The following RMDN2 variants were observed in gnomAD, a reference collection of about 807,000 sequenced individuals.
RMDN2 encodes the protein regulator of microtubule dynamics 2.
In RMDN2, 61 loss-of-function variants were observed where a neutral mutation model predicts 52.8. The ratio of observed to expected loss-of-function variants is 1.16; its 90% CI spans 0.94 to 1.43. The LOEUF (loss-of-function observed/expected upper bound fraction) is 1.43, where lower values mean the gene tolerates loss of function less well. RMDN2 is among the 40% of genes most tolerant of loss of function. RMDN2 has a pLI of 0.00. For synonymous variants in RMDN2, 180 were observed against 153.1 expected (o/e 1.18, Z -1.30); for missense variants, 592 against 475.3 (o/e 1.25, Z -2.28).
chr2:37,989,637 A>C, intron 6 of RMDN2, 21 bp downstream of exon 6: 1 of 1,373,830 alleles, frequency 7.3e-7, no homozygotes, highest in Non-Finnish European at 1.0e-6. Context: ...TTTTTTTTTC[A>C]TATTTCTTTT....
chr2:38,030,919 T>G (rs1301522275), intron 10 of RMDN2: 1 of 152,238 alleles, frequency 6.6e-6, no homozygotes, highest in Non-Finnish European at 1.5e-5. Flanking sequence ...TTGTTTCCTT[T>G]TCCTTTGTTT....
At position 37,944,577 on chromosome 2, in the gene RMDN2, G is replaced by A. The variant is rs1668068047; in HGVS notation, c.452+14848G>A. ...TAATGTGTTTGGTCAAGTAAAATAG[G>A]GACTGAACTGTGTTTACCGGATTTG... On this transcript the variant is annotated intron_variant, in intron 2 of 10. Transcript: ENST00000354545. 2.6e-5 allele frequency among the ~76,000 whole-genome samples: 4 copies of A among 152,152 alleles called. No homozygotes were observed. The South Asian group carries it at 8.3e-4, about 32-fold the overall frequency.
At chr2:38,036,773 G>C (rs1027586879) in intron 10 of RMDN2, 4 of 152,258 alleles carry the variant, frequency 2.6e-5, no homozygotes, top group Non-Finnish European at 5.9e-5. Flanking sequence ...CAGACCCTCG[G>C]ATTCCTGCTG....
intron 10 of RMDN2, among the ~76,000 whole-genome samples, chr2:38,035,732 A>G (rs1680530762): frequency 6.6e-6 from 1 of 152,220 alleles, no homozygotes; most frequent in Non-Finnish European, 1.5e-5. Context: ...TGAATTATTA[A>G]GCAACTGGTT....
chr2:37,972,231 A>T (rs983303581), intron 2 of RMDN2, among the ~76,000 whole-genome samples: 6 of 152,186 alleles, frequency 3.9e-5, no homozygotes, highest in African/African-American at 1.4e-4. Flanking sequence ...CCTATTAATC[A>T]AAATTTGTAG....
chr2:38,006,574 A>C (rs934911316), intron 10 of RMDN2, among the ~76,000 whole-genome samples: 66 of 152,284 alleles, frequency 4.3e-4, no homozygotes, highest in Non-Finnish European at 8.8e-4. Context: ...GACTTTGCTG[A>C]AGTTGCCTAT....
At chr2:38,003,852 A>G in intron 8 of RMDN2, 139 bp from the exon 9 acceptor site, 1 of 678,338 alleles carries the variant, frequency 1.5e-6, no homozygotes, top group South Asian at 1.8e-5. Flanking sequence ...CAAGTGATTC[A>G]AATGTGAAAC....
intron 2 of RMDN2, among the ~76,000 whole-genome samples, chr2:37,932,892 G>T (rs1666929504): frequency 6.7e-6 from 1 of 150,056 alleles, no homozygotes; most frequent in African/African-American, 2.4e-5. Flanking sequence ...CTCCCGGACG[G>T]GGCGGCTGGC....
At chr2:38,049,661 C>G (rs1432724114) in intron 10 of RMDN2, among the ~76,000 whole-genome samples, 1 of 152,176 alleles carries the variant, frequency 6.6e-6, no homozygotes, top group African/African-American at 2.4e-5. Flanking sequence ...CAGCCTCAAA[C>G]TCATGGGCTC....
intron 4 of RMDN2, among the ~76,000 whole-genome samples, chr2:37,978,598 G>A (rs1257678538): frequency 6.6e-6 from 1 of 152,024 alleles, no homozygotes; most frequent in South Asian, 2.1e-4. Context: ...GGCCAAGGCG[G>A]GCAGATAGCT....
At chr2:38,019,749 C>T (rs905188826), downstream of RMDN2, among the ~76,000 whole-genome samples, 2 of 151,910 alleles carry the variant, frequency 1.3e-5, no homozygotes, top group Admixed American at 6.6e-5. Flanking sequence ...GCCTGGGCAA[C>T]ATGGTGAAAT....
chr2:38,017,490 A>G lies in RMDN2; in HGVS notation c.*251A>G, dbSNP rs1678964305. On this transcript the variant is annotated 3_prime_UTR_variant, in exon 11 of 11. Transcript: ENST00000354545. Reference sequence around the variant, plus strand: ...TATGCTTTATATTTTTCTTATCAATAAACTGCAGCCTTAAGAATATTTCTT... The same window carrying G: ...TATGCTTTATATTTTTCTTATCAATGAACTGCAGCCTTAAGAATATTTCTT... The G allele has an allele frequency of 9.2e-7, 1 of 1,091,934 alleles. No individual in the cohort carries two copies. The highest frequency in any genetic ancestry group is 1.2e-6 in the Non-Finnish European group (1 of 820,428). The allele number at this position is 1,091,934 out of a possible 1,614,324, so 67.6% of individuals were successfully genotyped here. A position where few individuals can be genotyped will look rare whatever the true frequency, so the allele number is the denominator to read the frequency against.
chr2:37,934,871 G>A (rs570116652), intron 2 of RMDN2, among the ~76,000 whole-genome samples: 3 of 151,872 alleles, frequency 2.0e-5, no homozygotes, highest in Admixed American at 6.5e-5. Context: ...CACTCTATGG[G>A]TCTAAAACTA....
At chr2:37,995,973 A>C (rs563175300) in intron 7 of RMDN2, among the ~76,000 whole-genome samples, 82 of 152,252 alleles carry the variant, frequency 5.4e-4, no homozygotes, top group Non-Finnish European at 1.1e-3. Context: ...AACATAAATC[A>C]GCGCGACTAC....
chr2:37,959,951 C>T (rs1669984209), intron 2 of RMDN2, among the ~76,000 whole-genome samples: 1 of 151,064 alleles, frequency 6.6e-6, no homozygotes, highest in African/African-American at 2.5e-5. Context: ...TGTAGTTGTG[C>T]AGTTTTGAGT....
At chr2:38,023,189 C>T (rs901640017) in intron 10 of RMDN2, among the ~76,000 whole-genome samples, 7 of 152,306 alleles carry the variant, frequency 4.6e-5, no homozygotes, top group East Asian at 1.9e-4. Context: ...TGCCTAACAC[C>T]ATGAGCAAAA....
Position 38,047,806 on chromosome 2 carries a change from T to C in RMDN2, c.1714-19176T>C, listed in dbSNP as rs1488298372. On this transcript the variant is annotated intron_variant, in intron 10 of 10. Coordinates refer to the RMDN2 transcript ENST00000234195. ...ATCATTGAGTTCCTGAAGTGAAGTCTTTATGGCAGATATGTGTGGCTCTTC... is the reference window on the plus strand; with the variant it reads ...ATCATTGAGTTCCTGAAGTGAAGTCCTTATGGCAGATATGTGTGGCTCTTC... Among the ~76,000 whole-genome samples, 5 of 152,376 alleles carry C rather than the reference T, an allele frequency of 3.3e-5. No homozygotes were observed. In the East Asian group the frequency reaches 9.6e-4, roughly 29 times the overall value.
At chr2:37,952,234 C>A (rs770740196) in intron 2 of RMDN2, 5 of 1,602,994 alleles carry the variant, frequency 3.1e-6, no homozygotes, top group Non-Finnish European at 8.5e-7. Flanking sequence ...CTTAGAAGGG[C>A]ACCTCAAATA....
chr2:38,054,550 A>G (rs1301613425), intron 10 of RMDN2, among the ~76,000 whole-genome samples: 2 of 152,258 alleles, frequency 1.3e-5, no homozygotes, highest in Non-Finnish European at 2.9e-5. Context: ...ATGGTTAAAG[A>G]AAAGACTAGA....
Sources: gnomAD v4.1 joint callset for allele counts (sites outside exome capture counted in the v4.1 genomes callset) on GRCh38, gnomAD v4.1.1 for gene constraint, MANE v1.5 for transcripts, NCBI Gene and HGNC (gene_info 2026-07-23, HGNC 2026-07-21) for gene names.